C9orf43: variants seen among roughly 807,000 people sequenced by gnomAD.
The protein encoded by C9orf43 is chromosome 9 open reading frame 43, also known as uncharacterized protein C9orf43.
In C9orf43, 45 loss-of-function variants were observed where a neutral mutation model predicts 59.1. That is an observed-to-expected ratio of 0.76 (90% confidence interval 0.60 to 0.98). C9orf43 has a LOEUF of 0.98. Ranked by LOEUF, C9orf43 falls within the 50% of genes least tolerant of loss-of-function variation. C9orf43 has a pLI of 0.00. For synonymous variants in C9orf43, 203 were observed against 196.8 expected (o/e 1.03, Z -0.26); for missense variants, 533 against 554.9 (o/e 0.96, Z 0.40).
chr9:113,421,053 T>G, intron 4 of C9orf43, 50 bp from the exon 5 acceptor site: 1 of 1,390,260 alleles, frequency 7.2e-7, no homozygotes, highest in Non-Finnish European at 1.0e-6. Flanking sequence ...TAATCTGATA[T>G]AGGAGCTTAG....
At chr9:113,416,196 C>T (rs1828351533) in intron 3 of C9orf43, among the ~76,000 whole-genome samples, 1 of 152,252 alleles carries the variant, frequency 6.6e-6, no homozygotes, top group Non-Finnish European at 1.5e-5. Flanking sequence ...CCTGCCTTTT[C>T]TCCTCGAAGC....
chr9:113,412,401 A>C (rs1258566100), intron 1 of C9orf43, among the ~76,000 whole-genome samples: 1 of 152,230 alleles, frequency 6.6e-6, no homozygotes, highest in African/African-American at 2.4e-5. Context: ...CTAAATTATG[A>C]AACTGTTTAG....
chr9:113,423,762 C>T (rs1365546620), intron 7 of C9orf43, among the ~76,000 whole-genome samples: 1 of 152,204 alleles, frequency 6.6e-6, no homozygotes, highest in African/African-American at 2.4e-5. Context: ...GGCACTATCA[C>T]TGTCTTCTTT....
intron 11 of C9orf43, 115 bp from the exon 12 acceptor site, chr9:113,428,032 G>A (rs943804615): frequency 4.2e-6 from 4 of 963,352 alleles, no homozygotes; most frequent in Non-Finnish European, 6.7e-6. Flanking sequence ...TGCCATCAAG[G>A]TCTTGTCTTT....
intron 3 of C9orf43, among the ~76,000 whole-genome samples, chr9:113,416,635 A>G (rs1828370201): frequency 6.6e-6 from 1 of 151,376 alleles, no homozygotes; most frequent in South Asian, 2.1e-4. Flanking sequence ...CCCAGGGCTA[A>G]TGGCCCTACT....
In C9orf43 at chr9:113,427,149, T is replaced by C. The variant is rs147420287; in HGVS notation, c.1031-998T>C. Reference sequence around the variant, plus strand: ...GTGGTGCTCCGCCTTGACTGTACACTAAGACCAATTGTGAAGCTTTTATTT... The same window carrying C: ...GTGGTGCTCCGCCTTGACTGTACACCAAGACCAATTGTGAAGCTTTTATTT... On this transcript the variant is annotated intron_variant, in intron 11 of 13. Coordinates refer to ENST00000374165, the MANE Select transcript of C9orf43 (RefSeq NM_001278629.2). Among the ~76,000 whole-genome samples the C allele has an allele frequency of 2.4e-3, 361 of 152,268 alleles. 1 individual carries two copies. The highest frequency in any genetic ancestry group is 8.3e-3 in the African/African-American group (345 of 41,560).
In C9orf43 at chr9:113,429,498, G is replaced by C; in HGVS notation, c.*112G>C. On this transcript the variant is annotated 3_prime_UTR_variant, in exon 14 of 14. Coordinates refer to ENST00000374165, the MANE Select transcript of C9orf43 (RefSeq NM_001278629.2). ...TTTCACATAAGGGCAAGAGGAGAGG[G>C]GCTTCTGCTCTCTGGAGCCTTTACC... 3.6e-6 allele frequency: 3 copies of C among 843,278 alleles called. No individual in the cohort carries two copies. Among genetic ancestry groups the C allele is most frequent in the Non-Finnish European group, 5.6e-6 (3 of 532,428 alleles). 52.2% of individuals were successfully genotyped at this position (843,278 alleles called of 1,614,324 possible).
intron 3 of C9orf43, among the ~76,000 whole-genome samples, chr9:113,417,900 T>C (rs1267382613): frequency 6.6e-6 from 1 of 152,200 alleles, no homozygotes; most frequent in East Asian, 1.9e-4. Context: ...GTGTTAGGTC[T>C]TTATCTTTTT....
chr9:113,411,122 C>T, intron 1 of C9orf43, 121 bp downstream of exon 1: 1 of 985,328 alleles, frequency 1.0e-6, no homozygotes, highest in Non-Finnish European at 1.2e-6. Flanking sequence ...TCTCAGGAGT[C>T]AATTCGGACT....
At chr9:113,422,685 G>C in intron 6 of C9orf43, 100 bp downstream of exon 6, 1 of 1,364,958 alleles carries the variant, frequency 7.3e-7, no homozygotes, top group Non-Finnish European at 1.0e-6. Context: ...GTTCTTTCCT[G>C]AAATGATCCA....
rs749440136 is a variant in C9orf43 at position 113,423,388 on chromosome 9, A to G, written c.546A>G (p.Pro182=). The G allele has an allele frequency of 1.2e-6, 2 of 1,614,166 alleles. No homozygotes were observed. Among genetic ancestry groups the G allele is most frequent in the South Asian group, 1.1e-5 (1 of 91,086 alleles). ...CCGCAGGAACACGAGTAGGAACACCAGGGATGATCGTGCCTCCCCCAACCC... is the reference window on the plus strand; with the variant it reads ...CCGCAGGAACACGAGTAGGAACACCGGGGATGATCGTGCCTCCCCCAACCC... ...NQSAGTRVGT[P]GMIVPPPTPV... is the part of the protein sequence containing the mutation. Residue 182 remains proline, a synonymous_variant, in exon 7 of 14, where the codon CCA becomes CCG. Coordinates refer to ENST00000374165, the MANE Select transcript of C9orf43 (RefSeq NM_001278629.2).
At chr9:113,426,752 CTGG>C (rs1828805497) in intron 11 of C9orf43, among the ~76,000 whole-genome samples, 1 of 152,204 alleles carries the variant, frequency 6.6e-6, no homozygotes, top group Admixed American at 6.5e-5. Context: ...GAATTCCGTT[CTGG>C]TGCCTTTTGT....
chr9:113,425,814 T>C, intron 11 of C9orf43, 84 bp downstream of exon 11: 1 of 1,113,946 alleles, frequency 9.0e-7, no homozygotes. Context: ...AACATGCTCT[T>C]GTCATTTTGA....
chr9:113,425,426 G>T lies in C9orf43; in HGVS notation c.942+6G>T. The T allele has an allele frequency of 2.5e-6, 4 of 1,612,370 alleles. No homozygotes were observed. ...AAACACCTATTAAGAAACAGGTAGAGTGGCAGTGAGGGGCTTGCTGGGACT... is the reference window on the plus strand; with the variant it reads ...AAACACCTATTAAGAAACAGGTAGATTGGCAGTGAGGGGCTTGCTGGGACT... On this transcript the variant is annotated splice_donor_region_variant and intron_variant, in intron 10 of 13. Transcript: ENST00000374165.
intron 5 of C9orf43, 101 bp from the exon 6 acceptor site, chr9:113,422,448 G>A: frequency 6.7e-7 from 1 of 1,484,784 alleles, no homozygotes; most frequent in East Asian, 2.3e-5. Context: ...AAATATCCTT[G>A]GAGCTTCTGT....
At chr9:113,425,115 TTC>T in intron 9 of C9orf43, 39 bp downstream of exon 9, 1 of 1,589,578 alleles carries the variant, frequency 6.3e-7, no homozygotes, top group Non-Finnish European at 8.6e-7. Context: ...AAGCACCATT[TTC>T]TGTTAGCCCA....
chr9:113,416,122 T>A (rs1471015739), intron 3 of C9orf43, among the ~76,000 whole-genome samples: 2 of 152,194 alleles, frequency 1.3e-5, no homozygotes, highest in Non-Finnish European at 2.9e-5. Context: ...TGCTTCACAC[T>A]CTCTGTCGGA....
At chr9:113,424,111 A>G (rs549570387) in intron 7 of C9orf43, 55 bp from the exon 8 acceptor site, 3 of 1,532,428 alleles carry the variant, frequency 2.0e-6, no homozygotes, top group Admixed American at 4.5e-5. Flanking sequence ...CTCCTCAGCC[A>G]TGCTTTCCGG....
At chr9:113,421,948 A>G (rs1828590258) in intron 5 of C9orf43, among the ~76,000 whole-genome samples, 1 of 152,148 alleles carries the variant, frequency 6.6e-6, no homozygotes, top group South Asian at 2.1e-4. Flanking sequence ...GAGCTCCATG[A>G]GATAATTAGA....
Sources: allele counts gnomAD v4.1 joint callset (sites outside exome capture counted in the v4.1 genomes callset), GRCh38; gene constraint gnomAD v4.1.1; transcripts MANE v1.5; gene names NCBI Gene and HGNC (gene_info 2026-07-23, HGNC 2026-07-21).